Variants in PHACTR2 observed in about 807,000 individuals in gnomAD.
PHACTR2 encodes the protein chromosome 6 open reading frame 56.
A neutral mutation model predicts 76.0 loss-of-function variants in PHACTR2; 30 were observed. That is an observed-to-expected ratio of 0.39 (90% CI 0.30 to 0.54). The LOEUF (loss-of-function observed/expected upper bound fraction) is 0.54, where lower values mean the gene tolerates loss of function less well. Ranked by LOEUF, PHACTR2 falls within the 20% of genes least tolerant of loss-of-function variation. The pLI is 0.61. For missense variants in PHACTR2, 696 were observed against 781.1 expected (o/e 0.89, Z 1.30); for synonymous variants, 292 against 292.5 (o/e 1.00, Z 0.02).
In PHACTR2 at chr6:143,683,422, A is replaced by C. The variant is rs1347254445; in HGVS notation, c.46+5213A>C. 6.6e-6 allele frequency among the ~76,000 whole-genome samples: 1 copy of C among 152,106 alleles called. No homozygotes were observed. Among genetic ancestry groups the C allele is most frequent in the Non-Finnish European group, 1.5e-5 (1 of 68,032 alleles). Reference sequence around the variant, plus strand: ...CTGAAGGGTGGTATCTGAATCTAGTAATTATTTCTTCTAGTTTTTTCCAAC... The same window carrying C: ...CTGAAGGGTGGTATCTGAATCTAGTCATTATTTCTTCTAGTTTTTTCCAAC... On this transcript the variant is annotated intron_variant, in intron 1 of 12. Transcript: ENST00000440869. The surrounding 1 kb of genome is among the most constrained non-coding windows in gnomAD (Gnocchi z 4.1).
intron 1 of PHACTR2, among the ~76,000 whole-genome samples, chr6:143,637,874 G>A (rs151057168): frequency 3.9e-5 from 6 of 152,288 alleles, no homozygotes; most frequent in African/African-American, 1.4e-4. Flanking sequence ...GTGACATCCC[G>A]TCACCTTTGC....
At chr6:143,642,294 A>G (rs1021338268) in intron 1 of PHACTR2, among the ~76,000 whole-genome samples, 1 of 152,260 alleles carries the variant, frequency 6.6e-6, no homozygotes, top group African/African-American at 2.4e-5. Flanking sequence ...TATTGTCTGC[A>G]TCGCAAGCAG....
chr6:143,596,235 G>A lies in PHACTR2; in HGVS notation c.217+59028G>A, dbSNP rs917683011. Among the ~76,000 whole-genome samples the A allele has an allele frequency of 5.3e-5, 8 of 152,134 alleles. No individual in the cohort carries two copies. Among genetic ancestry groups the A allele is most frequent in the Admixed American group, 5.2e-4 (8 of 15,262 alleles). On this transcript the variant is annotated intron_variant, in intron 1 of 11. Transcript: ENST00000367584. The surrounding 1 kb of genome is among the most constrained non-coding windows in gnomAD (Gnocchi z 4.6). ...GTTGTCCCCAGCAAGCCAGATCTGTGAGTCCCTTTATTCCTCTAGGTCTTC... is the reference window on the plus strand; with the variant it reads ...GTTGTCCCCAGCAAGCCAGATCTGTAAGTCCCTTTATTCCTCTAGGTCTTC...
rs746870860 is a variant in PHACTR2 at position 143,807,554 on chromosome 6, AG to A, written c.1922+422del. Among the ~76,000 whole-genome samples, 19 of 152,210 alleles carry A rather than the reference AG, an allele frequency of 1.2e-4. No homozygotes were observed. The highest frequency in any genetic ancestry group is 6.5e-5 in the Admixed American group (1 of 15,286). On this transcript the variant is annotated intron_variant, in intron 12 of 12. Coordinates refer to ENST00000440869, the MANE Select transcript of PHACTR2 (RefSeq NM_001100164.2). The surrounding 1 kb of genome is among the most constrained non-coding windows in gnomAD (Gnocchi z 5.5). ...TTTCTTCGTTTTTTTCTGGGTCTGA[AG>A]ACATCATTTATTCTGCTCTTGAACA...
rs573943188 is a variant in PHACTR2, at chr6:143,750,992, G to T, written c.295+1927G>T. On this transcript the variant is annotated intron_variant, in intron 3 of 12. Transcript: ENST00000440869. This position sits in a 1 kb window ranked among gnomAD's most constrained non-coding sequence, Gnocchi z 4.6. Reference sequence around the variant, plus strand: ...GTAAATGGAGTCCTTCCCCTTTTCAGCTGAGGGCTGGAGAAAATAGTTTTC... The same window carrying T: ...GTAAATGGAGTCCTTCCCCTTTTCATCTGAGGGCTGGAGAAAATAGTTTTC... Among the ~76,000 whole-genome samples the T allele has an allele frequency of 3.3e-5, 5 of 152,150 alleles. No homozygotes were observed. Among genetic ancestry groups the T allele is most frequent in the African/African-American group, 4.8e-5 (2 of 41,448 alleles).
rs934059518 is a variant in PHACTR2, at chr6:143,571,867, G to T, written c.217+34660G>T. Among the ~76,000 whole-genome samples, 2 of 152,064 alleles carry T rather than the reference G, an allele frequency of 1.3e-5. No individual in the cohort carries two copies. Among genetic ancestry groups the T allele is most frequent in the Non-Finnish European group, 1.5e-5 (1 of 68,020 alleles). On this transcript the variant is annotated intron_variant, in intron 1 of 11. Coordinates refer to the PHACTR2 transcript ENST00000367584. This position sits in a 1 kb window ranked among gnomAD's most constrained non-coding sequence, Gnocchi z 4.6. The stretch of plus-strand genomic sequence containing the variant: ...ATTATTTTAATGTTAGATTTATAAC[G>T]TTCTGTTCATGTTCTTGGAAAATTA...
chr6:143,745,788 C>G (rs1246745702), intron 2 of PHACTR2, among the ~76,000 whole-genome samples: 1 of 152,180 alleles, frequency 6.6e-6, no homozygotes, highest in Admixed American at 6.5e-5. Flanking sequence ...CAGCGAAAGA[C>G]CAAACAAATA....
In PHACTR2 at chr6:143,614,801, C is replaced by G. The variant is rs534661397; in HGVS notation, c.13+6479C>G. Among the ~76,000 whole-genome samples the G allele has an allele frequency of 2.6e-5, 4 of 152,318 alleles. No individual in the cohort carries two copies. The East Asian group carries it at 7.7e-4, about 29-fold the overall frequency. ...AGATGAAGTAAAGAAAGAAAGGGAG[C>G]TAGGCCTTGAACCTGCTTTGGAAAG... On this transcript the variant is annotated intron_variant, in intron 1 of 11. Coordinates refer to the PHACTR2 transcript ENST00000305766.
chr6:143,724,175 A>C (rs1001680557), intron 2 of PHACTR2, among the ~76,000 whole-genome samples: 1 of 151,808 alleles, frequency 6.6e-6, no homozygotes, highest in Non-Finnish European at 1.5e-5. Flanking sequence ...TCACTCTGTC[A>C]CCCAGGCTGG....
At chr6:143,606,217 CT>C (rs1427050103), upstream of PHACTR2, among the ~76,000 whole-genome samples, 1 of 152,010 alleles carries the variant, frequency 6.6e-6, no homozygotes, top group Non-Finnish European at 1.5e-5. Context: ...CGTCACGTCA[CT>C]TCAAGTTATG....
At chr6:143,542,279 T>C (rs1312457370) in intron 1 of PHACTR2, among the ~76,000 whole-genome samples, 1 of 152,156 alleles carries the variant, frequency 6.6e-6, no homozygotes, top group Non-Finnish European at 1.5e-5. Flanking sequence ...GCTTCTCATC[T>C]ACCCAGGAGC....
chr6:143,785,040 A>G (rs1411816518), intron 10 of PHACTR2, among the ~76,000 whole-genome samples: 1 of 152,008 alleles, frequency 6.6e-6, no homozygotes, highest in Non-Finnish European at 1.5e-5. Context: ...ACATTTCAAA[A>G]CCAATCATGC....
chr6:143,748,128 C>T (rs1219903603), intron 2 of PHACTR2, among the ~76,000 whole-genome samples: 3 of 152,026 alleles, frequency 2.0e-5, no homozygotes, highest in Non-Finnish European at 2.9e-5. Flanking sequence ...TGCAATGGCA[C>T]GATCTTGGCT....
rs1262984925 is a variant in PHACTR2, at chr6:143,558,515, G to A, written c.217+21308G>A. Among the ~76,000 whole-genome samples the A allele has an allele frequency of 1.3e-5, 2 of 152,108 alleles. No homozygotes were observed. The highest frequency in any genetic ancestry group is 4.8e-5 in the African/African-American group (2 of 41,428). On this transcript the variant is annotated intron_variant, in intron 1 of 11. Coordinates refer to the PHACTR2 transcript ENST00000367584. This position sits in a 1 kb window ranked among gnomAD's most constrained non-coding sequence, Gnocchi z 4.7. ...AATTGAGTGTCAGATCTGTTATGAG[G>A]ATGAAATTAACTGTTTCCATGTCCA...
At chr6:143,681,363 T>C (rs1777384636) in intron 1 of PHACTR2, among the ~76,000 whole-genome samples, 1 of 152,194 alleles carries the variant, frequency 6.6e-6, no homozygotes, top group Non-Finnish European at 1.5e-5. Context: ...ACCTTGAGCA[T>C]CTTTTCATGT....
chr6:143,694,467 ATCT>A (rs1421050903), intron 1 of PHACTR2, among the ~76,000 whole-genome samples: 1 of 152,156 alleles, frequency 6.6e-6, no homozygotes, highest in African/African-American at 2.4e-5. Flanking sequence ...TGGTTTTATA[ATCT>A]TCTTTGAGGG....
rs1779278986 is a variant in PHACTR2, at chr6:143,755,545, A to G, written c.454+1633A>G. ...TTCTTGAAAGAAGATAGCAGACCTT[A>G]TGGGTCCATGAATAGTTGAGAGATG... On this transcript the variant is annotated intron_variant, in intron 4 of 12. Transcript: ENST00000440869. This position sits in a 1 kb window ranked among gnomAD's most constrained non-coding sequence, Gnocchi z 5.2. 2.9e-6 allele frequency: 1 copy of G among 349,356 alleles called. No homozygotes were observed. The highest frequency in any genetic ancestry group is 5.6e-6 in the Non-Finnish European group (1 of 177,432). The allele number at this position is 349,356 out of a possible 1,614,324, so 21.6% of individuals were successfully genotyped here. A position where few individuals can be genotyped will look rare whatever the true frequency, so the allele number is the denominator to read the frequency against.
chr6:143,709,808 G>T lies in PHACTR2; in HGVS notation c.47-2208G>T, dbSNP rs1778131858. Among the ~76,000 whole-genome samples the T allele has an allele frequency of 6.6e-6, 1 of 152,122 alleles. No individual in the cohort carries two copies. Among genetic ancestry groups the T allele is most frequent in the Admixed American group, 6.5e-5 (1 of 15,268 alleles). On this transcript the variant is annotated intron_variant, in intron 1 of 12. Transcript: ENST00000440869. The surrounding 1 kb of genome is among the most constrained non-coding windows in gnomAD (Gnocchi z 4.4). Reference sequence around the variant, plus strand: ...CCTCTGTATTAGGGGGAAGGGGAGAGATACCCAGTTATTGCTGGGTAGGGC... The same window carrying T: ...CCTCTGTATTAGGGGGAAGGGGAGATATACCCAGTTATTGCTGGGTAGGGC...
rs12527327 is a variant in PHACTR2 at position 143,597,525 on chromosome 6, C to A, written c.217+60318C>A. ...TTGGAATAAGGTGTATTACATATGTCATCTTTGCAGAGTTCAGTTGTAATT... is the reference window on the plus strand; with the variant it reads ...TTGGAATAAGGTGTATTACATATGTAATCTTTGCAGAGTTCAGTTGTAATT... On this transcript the variant is annotated intron_variant, in intron 1 of 11. Coordinates refer to the PHACTR2 transcript ENST00000367584. The surrounding 1 kb of genome is among the most constrained non-coding windows in gnomAD (Gnocchi z 5.7). Among the ~76,000 whole-genome samples the A allele has an allele frequency of 0.24, 36,376 of 152,138 alleles. 4,347 individuals carry two copies. The highest frequency in any genetic ancestry group is 0.34 in the South Asian group (1,640 of 4,814).
Sources: gnomAD v4.1 joint callset for allele counts (sites outside exome capture counted in the v4.1 genomes callset) on GRCh38, gnomAD v4.1.1 for gene constraint, Gnocchi (gnomAD v3.1) non-coding constraint, MANE v1.5 for transcripts, NCBI Gene and HGNC (gene_info 2026-07-23, HGNC 2026-07-21) for gene names.